Variants in IPO7 observed in about 807,000 individuals in gnomAD.
The protein encoded by IPO7 is importin-7.
Under a neutral mutation model 136.4 loss-of-function variants are expected in IPO7, and 13 were observed. The observed-to-expected ratio is 0.10, with a 90% confidence interval of 0.06 to 0.15. IPO7 has a LOEUF of 0.15. Ranked by LOEUF, IPO7 falls within the 10% of genes least tolerant of loss-of-function variation. The pLI is 1.00. For missense variants in IPO7, 857 were observed against 1,240.6 expected (o/e 0.69, Z 4.65); for synonymous variants, 403 against 404.4 (o/e 1.00, Z 0.04).
chr11:9,438,349 G>A (rs1335361632), intron 22 of IPO7, 64 bp downstream of exon 22: 10 of 1,035,534 alleles, frequency 9.7e-6, no homozygotes, highest in African/African-American at 4.7e-5. Context: ...GCACTGGGCC[G>A]GGCGCAGTGG....
intron 12 of IPO7, among the ~76,000 whole-genome samples, chr11:9,427,271 G>GT (rs1712256407): frequency 6.6e-6 from 1 of 151,962 alleles, no homozygotes. Flanking sequence ...TTATCTTTTC[G>GT]TTTTTTGGAA....
At chr11:9,398,715 A>G (rs1013564288) in intron 1 of IPO7, among the ~76,000 whole-genome samples, 4 of 152,250 alleles carry the variant, frequency 2.6e-5, no homozygotes, top group African/African-American at 9.6e-5. Context: ...TCTCAAATGT[A>G]TATCATTTCT....
At chr11:9,429,935 A>G (rs1038883650) in intron 15 of IPO7, 101 bp downstream of exon 15, 1 of 767,436 alleles carries the variant, frequency 1.3e-6, no homozygotes, top group Admixed American at 3.2e-5. Flanking sequence ...ATAGCAGTCA[A>G]CCTTTTTGGC....
rs1206621113 is a variant in IPO7, at chr11:9,420,492, A to C, written c.808A>C (p.Arg270=). The C allele has an allele frequency of 6.2e-7, 1 of 1,610,806 alleles. No individual in the cohort carries two copies. The highest frequency in any genetic ancestry group is 1.3e-5 in the African/African-American group (1 of 75,008). ...GAAGTGGGCCTTACATATTTTAGCAAGACTTTTTGAAAGGTAATCTCATCC... is the reference window on the plus strand; with the variant it reads ...GAAGTGGGCCTTACATATTTTAGCACGACTTTTTGAAAGGTAATCTCATCC... ...CKKWALHILA[R]LFERYGSPGN... The change falls in exon 7 of 25, where the codon AGA becomes CGA. Residue 270 remains arginine (R), a synonymous_variant. Transcript: ENST00000379719.
At chr11:9,414,828 G>A in intron 5 of IPO7, among the ~76,000 whole-genome samples, 1 of 151,538 alleles carries the variant, frequency 6.6e-6, no homozygotes, top group South Asian at 2.1e-4. Flanking sequence ...GTTTCACCAT[G>A]TTGGTCATGC....
At chr11:9,390,771 A>ACT (rs1854618186) in intron 1 of IPO7, among the ~76,000 whole-genome samples, 1 of 1,236 alleles carries the variant, frequency 8.1e-4, no homozygotes, top group African/African-American at 1.2e-3. Context: ...GCAACATACA[A>ACT]AAAAAATTTT....
chr11:9,402,542 T>C (rs1854815391), intron 1 of IPO7, among the ~76,000 whole-genome samples: 1 of 147,880 alleles, frequency 6.8e-6, no homozygotes, highest in Non-Finnish European at 1.5e-5. Context: ...GCCAATATGG[T>C]GAAACCCCGA....
chr11:9,425,346 C>A, intron 12 of IPO7, 84 bp downstream of exon 12: 2 of 829,602 alleles, frequency 2.4e-6, no homozygotes, highest in Non-Finnish European at 2.1e-6. Context: ...TGGCTCACTT[C>A]TATAATCCCA....
At chr11:9,439,179 G>A (rs773464994) in intron 22 of IPO7, among the ~76,000 whole-genome samples, 12 of 152,060 alleles carry the variant, frequency 7.9e-5, no homozygotes, top group Non-Finnish European at 1.5e-4. Context: ...GCAACAGCGC[G>A]ATCTTGGCTC....
In IPO7 at chr11:9,433,630, G is replaced by T. The variant is rs1289484095; in HGVS notation, c.1942G>T (p.Val648Phe). 1.2e-6 allele frequency: 2 copies of T among 1,612,780 alleles called. No individual in the cohort carries two copies. The highest frequency in any genetic ancestry group is 2.7e-5 in the African/African-American group (2 of 74,876). ...QVIGTVLQQH[V>F]LEFYEEIFSL... The stretch of plus-strand genomic sequence containing the variant: ...CATTGGTACTGTTTTACAACAGCAT[G>T]TCTTAGGTATTATACCTCTGATTGT... The change falls in exon 17 of 25, where the codon GTC (valine) becomes TTC (phenylalanine). Residue 648 changes from valine (V) to phenylalanine (F), a missense_variant. Around this residue, in one of 11 missense-constraint regions of IPO7, gnomAD observed 190 missense variants for 249.0 expected, o/e 0.76. Transcript: ENST00000379719.
At chr11:9,403,493 C>T (rs1419088118) in intron 2 of IPO7, 122 bp downstream of exon 2, 3 of 670,518 alleles carry the variant, frequency 4.5e-6, no homozygotes, top group Non-Finnish European at 7.8e-6. Context: ...ATTTGTTTAC[C>T]TTCAGTGTTT....
Position 9,433,658 on chromosome 11 carries a change from T to C in IPO7, c.1948+22T>C, listed in dbSNP as rs779672658. On this transcript the variant is annotated intron_variant, in intron 17 of 24. Coordinates refer to ENST00000379719, the MANE Select transcript of IPO7 (RefSeq NM_006391.3). Reference sequence around the variant, plus strand: ...TTAGGTATTATACCTCTGATTGTGCTAAGAATTTAGTGCTATTTCACATGA... The same window carrying C: ...TTAGGTATTATACCTCTGATTGTGCCAAGAATTTAGTGCTATTTCACATGA... 12 of 1,612,850 alleles carry C rather than the reference T, an allele frequency of 7.4e-6. No homozygotes were observed. The South Asian group carries it at 1.2e-4, about 16-fold the overall frequency.
chr11:9,389,566 T>C (rs1365372467), intron 1 of IPO7, among the ~76,000 whole-genome samples: 3 of 152,134 alleles, frequency 2.0e-5, no homozygotes, highest in Non-Finnish European at 4.4e-5. Context: ...TAAAGCTACA[T>C]GTAAGTTTTG....
At chr11:9,402,868 T>G in intron 1 of IPO7, 1 of 150,824 alleles carries the variant, frequency 6.6e-6, no homozygotes, top group Non-Finnish European at 1.4e-5. Flanking sequence ...AAAAAAAAAA[T>G]TAGCGGGGTG....
intron 2 of IPO7, among the ~76,000 whole-genome samples, chr11:9,406,961 G>T (rs530254802): frequency 2.6e-5 from 4 of 152,188 alleles, no homozygotes; most frequent in Admixed American, 2.6e-4. Flanking sequence ...GCTGGATTTC[G>T]AATGATTAGT....
At chr11:9,422,549 A>T (rs1356414838) in intron 8 of IPO7, among the ~76,000 whole-genome samples, 1 of 152,216 alleles carries the variant, frequency 6.6e-6, no homozygotes, top group African/African-American at 2.4e-5. Flanking sequence ...TAGAGTTAGA[A>T]CTATTGACAG....
At chr11:9,438,807 A>C (rs1007437769) in intron 22 of IPO7, among the ~76,000 whole-genome samples, 1 of 152,232 alleles carries the variant, frequency 6.6e-6, no homozygotes, top group Non-Finnish European at 1.5e-5. Context: ...TGCAACCAAC[A>C]AAGATTTGTT....
intron 1 of IPO7, among the ~76,000 whole-genome samples, chr11:9,388,241 A>G (rs1335405706): frequency 7.1e-6 from 1 of 141,688 alleles, no homozygotes; most frequent in Non-Finnish European, 1.5e-5. Flanking sequence ...GCAGTGGCGC[A>G]ATATGAGCCC....
In IPO7 at chr11:9,415,502, T is replaced by A. The variant is rs115781361; in HGVS notation, c.636+1091T>A. Among the ~76,000 whole-genome samples, 1,287 of 152,240 alleles carry A rather than the reference T, an allele frequency of 8.5e-3. 18 individuals carry two copies. The highest frequency in any genetic ancestry group is 0.029 in the African/African-American group (1,190 of 41,554). ...GTACACAGTAATGGCTTTTATTATT[T>A]CTGTATGTTCTAAATTTTTCTAGGA... On this transcript the variant is annotated intron_variant, in intron 5 of 24. Transcript: ENST00000379719.
Sources: allele counts gnomAD v4.1 joint callset (sites outside exome capture counted in the v4.1 genomes callset), GRCh38; gene constraint gnomAD v4.1.1; regional missense constraint gnomAD v4.1.1; transcripts MANE v1.5; gene names NCBI Gene and HGNC (gene_info 2026-07-23, HGNC 2026-07-21).